Variants in PYGB observed in about 807,000 individuals in gnomAD.
PYGB encodes the protein glycogen phosphorylase, brain form.
A neutral mutation model predicts 94.3 loss-of-function variants in PYGB; 82 were observed. The observed-to-expected ratio is 0.87, with a 90% confidence interval of 0.73 to 1.04. The LOEUF (loss-of-function observed/expected upper bound fraction) is 1.04, where lower values mean the gene tolerates loss of function less well. Ranked by LOEUF, PYGB falls within the 50% of genes least tolerant of loss-of-function variation. The pLI is 0.00. For synonymous variants in PYGB, 488 were observed against 479.1 expected (o/e 1.02, Z -0.24); for missense variants, 1,132 against 1,158.2 (o/e 0.98, Z 0.33).
chr20:25,294,862 T>G, intron 18 of PYGB: 3 of 1,275,364 alleles, frequency 2.4e-6, no homozygotes, highest in Non-Finnish European at 3.4e-6. Context: ...TTGGCAAAAG[T>G]TGAATCCGGC....
At chr20:25,288,343 C>T (rs781740489) in intron 14 of PYGB, 82 bp from the exon 15 acceptor site, 57 of 1,470,398 alleles carry the variant, frequency 3.9e-5, no homozygotes, top group Admixed American at 1.5e-4. Flanking sequence ...GCCTCAGGGT[C>T]GGCCTCTGAT....
rs1489360856 is a variant in PYGB, at chr20:25,283,346, A to G, written c.1620+69A>G. 2.8e-6 allele frequency: 4 copies of G among 1,404,616 alleles called. No individual in the cohort carries two copies. In the African/African-American group the frequency reaches 5.7e-5, roughly 20 times the overall value. 87.0% of individuals were successfully genotyped at this position (1,404,616 alleles called of 1,614,324 possible). A position where few individuals can be genotyped will look rare whatever the true frequency, so the allele number is the denominator to read the frequency against. On this transcript the variant is annotated intron_variant, in intron 13 of 19. Transcript: ENST00000216962. ...AACCAGGCAGGTAGGCCCTGGCCCT[A>G]GCCCTCCTACAGGCCCAGCACAGGT...
Position 25,281,054 on chromosome 20 carries a change from G to A in PYGB, c.1345G>A (p.Gly449Arg). The change falls in exon 11 of 20, where the codon GGG becomes AGG. Residue 449 changes from glycine to arginine, a missense_variant. Coordinates refer to ENST00000216962, the MANE Select transcript of PYGB (RefSeq NM_002862.4). ...CAACATGGCCCACCTGTGTGTGATT[G>A]GGTCCCATGCTGTCAATGGTGTGGC... ...RINMAHLCVI[G>R]SHAVNGVARI... 1 of 1,614,210 alleles carries A rather than the reference G, an allele frequency of 6.2e-7. No homozygotes were observed.
intron 4 of PYGB, among the ~76,000 whole-genome samples, chr20:25,272,917 T>C (rs1600729506): frequency 6.6e-6 from 1 of 152,206 alleles, no homozygotes; most frequent in Non-Finnish European, 1.5e-5. Context: ...GTATTGGTGG[T>C]GGTTTTTGTT....
chr20:25,265,751 C>T (rs1352624109), intron 2 of PYGB, among the ~76,000 whole-genome samples: 4 of 151,964 alleles, frequency 2.6e-5, no homozygotes, highest in Non-Finnish European at 4.4e-5. Flanking sequence ...CCTGCCACCA[C>T]GCCCGGCTAA....
At chr20:25,253,677 C>T (rs1306583221) in intron 1 of PYGB, among the ~76,000 whole-genome samples, 2 of 148,858 alleles carry the variant, frequency 1.3e-5, no homozygotes, top group Non-Finnish European at 3.0e-5. Flanking sequence ...GACCTCACCT[C>T]CACATCTCAG....
rs2088342706 is a variant in PYGB, at chr20:25,279,149, G to A, written c.1092G>A (p.Lys364=). The A allele has an allele frequency of 6.2e-7, 1 of 1,613,704 alleles. No individual in the cohort carries two copies. Among genetic ancestry groups the A allele is most frequent in the Non-Finnish European group, 8.5e-7 (1 of 1,179,762 alleles). ...ACGTGGAGAAGGTGGACTGGGACAA[G>A]GTGAGCATGGAGGAAAAGGGCGGCA... ...LVDVEKVDWD[K]AWEITKKTCA... The change falls in exon 9 of 20, where the codon AAG becomes AAA. Residue 364 remains lysine, a splice_region_variant and synonymous_variant. Coordinates refer to ENST00000216962, the MANE Select transcript of PYGB (RefSeq NM_002862.4).
intron 1 of PYGB, 23 bp from the exon 2 acceptor site, chr20:25,259,212 CTT>C (rs1467520672): frequency 6.5e-7 from 1 of 1,539,332 alleles, no homozygotes; most frequent in Non-Finnish European, 9.0e-7. Flanking sequence ...AATGAGAAAT[CTT>C]ATTCTTTCTT....
At chr20:25,259,007 T>C (rs999422278) in intron 1 of PYGB, among the ~76,000 whole-genome samples, 2 of 152,188 alleles carry the variant, frequency 1.3e-5, no homozygotes, top group African/African-American at 2.4e-5. Context: ...ATCCAGGGAC[T>C]GGAGGGTCAG....
At chr20:25,281,227 G>C in intron 11 of PYGB, 115 bp downstream of exon 11, 3 of 1,358,784 alleles carry the variant, frequency 2.2e-6, no homozygotes, top group East Asian at 2.4e-5. Context: ...TGTGCCACTA[G>C]GCCCCTGCCT....
intron 2 of PYGB, among the ~76,000 whole-genome samples, chr20:25,265,736 A>C (rs1169510206): frequency 3.3e-5 from 5 of 151,934 alleles, no homozygotes; most frequent in Admixed American, 1.3e-4. Context: ...CTGGGACTGC[A>C]GGCACCTGCC....
At position 25,280,980 on chromosome 20, in the gene PYGB, A is replaced by T; in HGVS notation, c.1271A>T (p.Asp424Val). ...HVAALFPGDV[D>V]RLRRMSVIEE... is the part of the protein sequence containing the mutation. ...GCCGCGCTGTTTCCCGGCGATGTGG[A>T]CCGCCTGCGCAGGATGTCTGTGATC... is the stretch of plus-strand genomic sequence containing the variant. The change falls in exon 11 of 20, where the codon GAC (aspartate) becomes GTC (valine). Residue 424 changes from aspartate (D) to valine (V), a missense_variant. By Grantham distance (152) the Asp-to-Val change is radical (BLOSUM62 -3). Coordinates refer to ENST00000216962, the MANE Select transcript of PYGB (RefSeq NM_002862.4). 6.2e-7 allele frequency: 1 copy of T among 1,613,930 alleles called. No individual in the cohort carries two copies. Among genetic ancestry groups the T allele is most frequent in the Admixed American group, 1.7e-5 (1 of 60,008 alleles).
intron 4 of PYGB, 132 bp from the exon 5 acceptor site, chr20:25,274,460 G>T (rs2088292647): frequency 5.5e-6 from 7 of 1,282,016 alleles, no homozygotes; most frequent in Non-Finnish European, 7.3e-6. Context: ...ATCCCGACCT[G>T]GTAAGTGGCT....
intron 14 of PYGB, chr20:25,285,123 C>G (rs548767914): frequency 6.6e-6 from 1 of 152,256 alleles, no homozygotes; most frequent in Non-Finnish European, 1.5e-5. Context: ...GCGTTTGAGA[C>G]ACACATGGTA....
At chr20:25,275,563 A>G (rs374129547) in intron 5 of PYGB, among the ~76,000 whole-genome samples, 30 of 152,334 alleles carry the variant, frequency 2.0e-4, no homozygotes, top group African/African-American at 5.5e-4. Context: ...AATCAAATAC[A>G]TGGGCTTCGA....
intron 14 of PYGB, chr20:25,285,395 T>A (rs1293166470): frequency 6.6e-6 from 1 of 151,746 alleles, no homozygotes; most frequent in Non-Finnish European, 1.5e-5. Flanking sequence ...TTCCTCCCGC[T>A]CCACCACCCC....
chr20:25,269,196 G>A lies in PYGB; in HGVS notation c.413G>A (p.Gly138Glu). 6.3e-7 allele frequency: 1 copy of A among 1,591,830 alleles called. No homozygotes were observed. The change falls in exon 3 of 20, where the codon GGG becomes GAG. Residue 138 changes from glycine to glutamate, a missense_variant. Gly to Glu is a moderately conservative substitution (Grantham distance 98). Coordinates refer to ENST00000216962, the MANE Select transcript of PYGB (RefSeq NM_002862.4). Reference sequence around the variant, plus strand: ...GCTGGCCTTGGGAATGGAGGCCTGGGGAGGCTGGCAGGTAAGTTGCCCCAT... The same window carrying A: ...GCTGGCCTTGGGAATGGAGGCCTGGAGAGGCTGGCAGGTAAGTTGCCCCAT... ...EDAGLGNGGLGRLAACFLDSM... is the reference protein window; with the variant it reads ...EDAGLGNGGLERLAACFLDSM...
rs779442310 is a variant in PYGB, at chr20:25,276,729, G to C, written c.744G>C (p.Lys248Asn). 1.2e-6 allele frequency: 2 copies of C among 1,614,018 alleles called. No individual in the cohort carries two copies. Among genetic ancestry groups the C allele is most frequent in the South Asian group, 2.2e-5 (2 of 91,090 alleles). Reference sequence around the variant, plus strand: ...ACACCATGCGGCTGTGGTCCGCCAAGGCTCCCAACGACTTCAAGCTGCAGG... The same window carrying C: ...ACACCATGCGGCTGTGGTCCGCCAACGCTCCCAACGACTTCAAGCTGCAGG... ...TVNTMRLWSA[K>N]APNDFKLQDF... is the part of the protein sequence containing the mutation. Residue 248 changes from lysine to asparagine, a missense_variant, in exon 6 of 20, where the codon AAG becomes AAC. By Grantham distance (94) the Lys-to-Asn change is moderately conservative (BLOSUM62 0). Coordinates refer to ENST00000216962, the MANE Select transcript of PYGB (RefSeq NM_002862.4).
intron 2 of PYGB, among the ~76,000 whole-genome samples, chr20:25,268,410 T>G (rs2088238428): frequency 6.6e-6 from 1 of 152,112 alleles, no homozygotes; most frequent in Admixed American, 6.5e-5. Flanking sequence ...TAATTAAACT[T>G]TGTTGTTTAT....
Sources: allele counts gnomAD v4.1 joint callset (sites outside exome capture counted in the v4.1 genomes callset), GRCh38; gene constraint gnomAD v4.1.1; transcripts MANE v1.5; gene names NCBI Gene and HGNC (gene_info 2026-07-23, HGNC 2026-07-21).